Variants in SLC2A13 observed in about 807,000 individuals in gnomAD.
SLC2A13 encodes the protein solute carrier family 2 member 13, also known as proton myo-inositol cotransporter.
A neutral mutation model predicts 64.4 loss-of-function variants in SLC2A13; 32 were observed. That is an observed-to-expected ratio of 0.50 (90% CI 0.37 to 0.67). The LOEUF (loss-of-function observed/expected upper bound fraction) is 0.67. SLC2A13 is among the 30% of genes least tolerant of loss of function. The probability of loss-of-function intolerance (pLI) is 0.00; values close to 1 mark genes in which losing one functional copy is unlikely to be tolerated. For missense variants in SLC2A13, 743 were observed against 829.2 expected, an observed-to-expected ratio of 0.90 and a Z score of 1.28; for synonymous variants, 338 against 327.1, an observed-to-expected ratio of 1.03 and a Z score of -0.36.
At chr12:39,806,284 G>C (rs1941977291) in intron 7 of SLC2A13, among the ~76,000 whole-genome samples, 1 of 152,116 alleles carries the variant, frequency 6.6e-6, no homozygotes, top group African/African-American at 2.4e-5. Context: ...GGGAATGAAG[G>C]ATATGTCAGA....
chr12:39,959,077 G>A (rs1040661270), intron 3 of SLC2A13, among the ~76,000 whole-genome samples: 1 of 152,192 alleles, frequency 6.6e-6, no homozygotes, highest in Non-Finnish European at 1.5e-5. Flanking sequence ...AAACACCAGA[G>A]CAAGTATGGG....
intron 6 of SLC2A13, among the ~76,000 whole-genome samples, chr12:39,842,655 T>C (rs1041797655): frequency 6.6e-6 from 1 of 152,076 alleles, no homozygotes; most frequent in South Asian, 2.1e-4. Context: ...ATTTACCATT[T>C]TAACAATGTT....
chr12:39,834,014 T>G (rs1238776027), intron 6 of SLC2A13, among the ~76,000 whole-genome samples: 1 of 151,934 alleles, frequency 6.6e-6, no homozygotes, highest in Non-Finnish European at 1.5e-5. Flanking sequence ...CAAACAGGCC[T>G]CACTGAGTTC....
intron 4 of SLC2A13, among the ~76,000 whole-genome samples, chr12:39,923,396 A>G (rs1945650158): frequency 6.6e-6 from 1 of 152,174 alleles, no homozygotes; most frequent in Non-Finnish European, 1.5e-5. Flanking sequence ...CAAATAAACC[A>G]GACAAAAAGG....
At chr12:40,078,908 G>A (rs930466533) in intron 1 of SLC2A13, among the ~76,000 whole-genome samples, 2 of 152,032 alleles carry the variant, frequency 1.3e-5, no homozygotes, top group South Asian at 4.2e-4. Flanking sequence ...AGGTTTTCTA[G>A]TTGGTGTGCA....
chr12:39,848,275 T>C (rs1243644858), intron 6 of SLC2A13, among the ~76,000 whole-genome samples: 1 of 152,124 alleles, frequency 6.6e-6, no homozygotes, highest in African/African-American at 2.4e-5. Flanking sequence ...TTACAAACTA[T>C]GCATCTGACA....
chr12:40,011,848 A>C (rs1947537635), intron 3 of SLC2A13, among the ~76,000 whole-genome samples: 1 of 152,224 alleles, frequency 6.6e-6, no homozygotes, highest in African/African-American at 2.4e-5. Context: ...CTCAAAAATT[A>C]CAACTCTGAA....
chr12:40,052,833 A>G (rs1948280738), intron 1 of SLC2A13, among the ~76,000 whole-genome samples: 1 of 152,138 alleles, frequency 6.6e-6, no homozygotes, highest in Admixed American at 6.6e-5. Flanking sequence ...GCATACGAGA[A>G]GAATGCTTAG....
At chr12:39,940,583 A>G (rs758463354) in intron 4 of SLC2A13, among the ~76,000 whole-genome samples, 2 of 152,098 alleles carry the variant, frequency 1.3e-5, no homozygotes, top group Non-Finnish European at 2.9e-5. Flanking sequence ...AAATCAAAGA[A>G]CTTAGCTAGG....
intron 4 of SLC2A13, among the ~76,000 whole-genome samples, chr12:39,920,599 G>A (rs1015567473): frequency 3.9e-5 from 6 of 152,186 alleles, no homozygotes; most frequent in South Asian, 2.1e-4. Flanking sequence ...ACTCTGTAGC[G>A]GAGTAGTTAC....
At chr12:39,926,368 G>T (rs1426316895) in intron 4 of SLC2A13, among the ~76,000 whole-genome samples, 3 of 152,074 alleles carry the variant, frequency 2.0e-5, no homozygotes, top group African/African-American at 7.2e-5. Context: ...TATCATATGT[G>T]CCTTCAAGAA....
chr12:39,885,834 C>T (rs183611701), intron 4 of SLC2A13, among the ~76,000 whole-genome samples: 9 of 152,216 alleles, frequency 5.9e-5, no homozygotes, highest in Admixed American at 5.9e-4. Flanking sequence ...CCTCTTTGTC[C>T]AGCTCCAGCC....
chr12:39,982,865 G>A (rs1441619207), intron 3 of SLC2A13, among the ~76,000 whole-genome samples: 2 of 125,396 alleles, frequency 1.6e-5, no homozygotes, highest in South Asian at 2.7e-4. Flanking sequence ...AGCCCGCATT[G>A]CCAAGTCAAT....
chr12:39,837,187 A>T (rs1212853759), intron 6 of SLC2A13, among the ~76,000 whole-genome samples: 4 of 148,562 alleles, frequency 2.7e-5, no homozygotes, highest in Admixed American at 1.4e-4. Flanking sequence ...ATAATGCCAC[A>T]TACCTACAAC....
intron 3 of SLC2A13, among the ~76,000 whole-genome samples, chr12:40,014,464 AC>A (rs1947585225): frequency 6.6e-6 from 1 of 152,138 alleles, no homozygotes; most frequent in South Asian, 2.1e-4. Context: ...TAAGTGTTGG[AC>A]TAGTCCAGAT....
intron 4 of SLC2A13, among the ~76,000 whole-genome samples, chr12:39,879,352 G>A (rs1389715503): frequency 6.6e-6 from 1 of 152,166 alleles, no homozygotes; most frequent in Non-Finnish European, 1.5e-5. Flanking sequence ...TAGATCTACT[G>A]GCAGCTTGCA....
At chr12:39,933,092 G>T (rs940965499) in intron 4 of SLC2A13, among the ~76,000 whole-genome samples, 8 of 152,124 alleles carry the variant, frequency 5.3e-5, no homozygotes, top group Non-Finnish European at 1.0e-4. Flanking sequence ...AGCCAGTCGT[G>T]GGGGCATGTG....
intron 3 of SLC2A13, among the ~76,000 whole-genome samples, chr12:40,001,694 C>T (rs951718122): frequency 1.3e-5 from 2 of 152,154 alleles, no homozygotes; most frequent in African/African-American, 4.8e-5. Flanking sequence ...AAACTATGAT[C>T]TTGCAAAATT....
At chr12:39,776,543 C>A (rs1231149932) in intron 7 of SLC2A13, among the ~76,000 whole-genome samples, 1 of 152,144 alleles carries the variant, frequency 6.6e-6, no homozygotes, top group Non-Finnish European at 1.5e-5. Flanking sequence ...TAGAGTGACA[C>A]AGAAGTTGAA....
Sources: allele counts gnomAD v4.1 joint callset (sites outside exome capture counted in the v4.1 genomes callset), GRCh38; gene constraint gnomAD v4.1.1; transcripts MANE v1.5; gene names NCBI Gene and HGNC (gene_info 2026-07-23, HGNC 2026-07-21).